Variants in SNX25 observed in about 807,000 individuals in gnomAD.
The protein encoded by SNX25 is sorting nexin 25.
A neutral mutation model predicts 113.7 loss-of-function variants in SNX25; 62 were observed. That is an observed-to-expected ratio of 0.55 (90% CI 0.44 to 0.67). The LOEUF (loss-of-function observed/expected upper bound fraction) is 0.67. SNX25 is among the 30% of genes least tolerant of loss of function. The pLI, the probability that SNX25 is intolerant of heterozygous loss-of-function variation, is 0.00. For synonymous variants in SNX25, 421 were observed against 436.2 expected (o/e 0.97, Z 0.43); for missense variants, 1,014 against 1,161.0 (o/e 0.87, Z 1.84).
rs549317716 is a variant in SNX25, at chr4:185,315,045, A to G, written c.1344+4229A>G. On this transcript the variant is annotated intron_variant, in intron 7 of 18. Transcript: ENST00000652585. ...AGATCGAGACCATCCTGGCTAACAC[A>G]GTGAAACCCCGTCTCTACTAAAAAT... 6.1e-3 allele frequency among the ~76,000 whole-genome samples: 925 copies of G among 150,556 alleles called. 15 individuals carry two copies. The highest frequency in any genetic ancestry group is 0.053 in the South Asian group (250 of 4,740).
intron 1 of SNX25, among the ~76,000 whole-genome samples, chr4:185,223,138 C>T (rs1740258472): frequency 6.6e-6 from 1 of 152,144 alleles, no homozygotes; most frequent in South Asian, 2.1e-4. Context: ...TGTATCTCCA[C>T]CCCAATATCA....
chr4:185,331,343 C>T (rs770149072), intron 9 of SNX25, among the ~76,000 whole-genome samples: 3 of 152,122 alleles, frequency 2.0e-5, no homozygotes, highest in East Asian at 1.9e-4. Context: ...ACAATGCTGA[C>T]GTAAAAATGA....
chr4:185,290,506 C>T (rs760932704), intron 6 of SNX25, among the ~76,000 whole-genome samples: 1 of 152,194 alleles, frequency 6.6e-6, no homozygotes, highest in African/African-American at 2.4e-5. Context: ...ATTGTCACCT[C>T]CAGCCTCTAT....
chr4:185,337,916 G>A (rs887771727), intron 10 of SNX25, among the ~76,000 whole-genome samples: 5 of 152,086 alleles, frequency 3.3e-5, no homozygotes, highest in African/African-American at 7.2e-5. Flanking sequence ...TTTCTTTAAT[G>A]ATTAGTGGTG....
intron 9 of SNX25, among the ~76,000 whole-genome samples, chr4:185,331,623 A>T (rs993761210): frequency 6.6e-6 from 1 of 152,120 alleles, no homozygotes; most frequent in Non-Finnish European, 1.5e-5. Flanking sequence ...TCTACTAAAA[A>T]TACAAAAATT....
intron 1 of SNX25, among the ~76,000 whole-genome samples, chr4:185,243,773 T>C (rs1029259571): frequency 9.2e-5 from 14 of 152,230 alleles, no homozygotes; most frequent in Admixed American, 7.2e-4. Context: ...CATGTAAGTA[T>C]GAAGTAGTGA....
chr4:185,240,862 C>G (rs1372763339), intron 1 of SNX25, among the ~76,000 whole-genome samples: 1 of 151,292 alleles, frequency 6.6e-6, no homozygotes, highest in Non-Finnish European at 1.5e-5. Flanking sequence ...GGCAGAGACG[C>G]TCCTCACATC....
chr4:185,260,365 G>A (rs982875907), intron 3 of SNX25, among the ~76,000 whole-genome samples: 11 of 152,058 alleles, frequency 7.2e-5, no homozygotes, highest in Non-Finnish European at 1.5e-4. Context: ...ATCTAGTGGC[G>A]AGCTGGAGCT....
intron 5 of SNX25, among the ~76,000 whole-genome samples, chr4:185,276,291 A>G (rs1056772770): frequency 6.6e-6 from 1 of 152,192 alleles, no homozygotes. Flanking sequence ...CCACCACTGT[A>G]GTTGTTGTTA....
chr4:185,346,695 T>G, intron 13 of SNX25, 45 bp downstream of exon 13: 1 of 1,287,146 alleles, frequency 7.8e-7, no homozygotes, highest in Non-Finnish European at 1.1e-6. Context: ...AAATTAGTTA[T>G]TTAGGGTTAA....
intron 1 of SNX25, among the ~76,000 whole-genome samples, chr4:185,226,797 A>G (rs1741065354): frequency 6.6e-6 from 1 of 152,254 alleles, no homozygotes. Context: ...TTATTAAATT[A>G]ACATTGTAAG....
intron 4 of SNX25, 145 bp from the exon 5 acceptor site, chr4:185,266,824 G>T (rs1412424794): frequency 4.4e-6 from 3 of 677,816 alleles, no homozygotes; most frequent in East Asian, 2.9e-5. Context: ...GTACATTTTT[G>T]AATTGTTTAT....
intron 11 of SNX25, among the ~76,000 whole-genome samples, chr4:185,341,004 A>T (rs975625092): frequency 6.6e-6 from 1 of 152,196 alleles, no homozygotes; most frequent in African/African-American, 2.4e-5. Flanking sequence ...CTACTTCCCT[A>T]TCCTTACAGT....
chr4:185,263,535 G>A (rs920489253), intron 3 of SNX25, among the ~76,000 whole-genome samples: 11 of 152,072 alleles, frequency 7.2e-5, no homozygotes, highest in African/African-American at 2.2e-4. Flanking sequence ...CTTTTCTAGC[G>A]TTATACACTC....
chr4:185,368,741 G>C (rs936496339), downstream of SNX25, among the ~76,000 whole-genome samples: 2 of 152,000 alleles, frequency 1.3e-5, no homozygotes, highest in African/African-American at 4.8e-5. Flanking sequence ...GCAGAGTAAT[G>C]GGGCTATTTT....
rs1007861177 is a variant in SNX25, at chr4:185,359,331, G to A, written c.2651+1594G>A. 2.6e-5 allele frequency among the ~76,000 whole-genome samples: 4 copies of A among 151,260 alleles called. No individual in the cohort carries two copies. In the East Asian group the frequency reaches 7.7e-4, roughly 29 times the overall value. On this transcript the variant is annotated intron_variant, in intron 16 of 18. Coordinates refer to ENST00000652585, the MANE Select transcript of SNX25 (RefSeq NM_001378034.2). ...CATTCCAGCCTGAATGAAACAGCAA[G>A]ACCCTTTCTCAAAAAAAAAAAAAGT...
intron 5 of SNX25, among the ~76,000 whole-genome samples, chr4:185,279,595 A>T (rs928851221): frequency 7.2e-5 from 11 of 152,182 alleles, no homozygotes; most frequent in African/African-American, 2.7e-4. Flanking sequence ...CCTTGTACTT[A>T]TCCTCAGTAG....
chr4:185,335,359 A>AC (rs1561026293), intron 10 of SNX25, among the ~76,000 whole-genome samples: 13 of 144,782 alleles, frequency 9.0e-5, no homozygotes, highest in African/African-American at 2.9e-4. Context: ...CACACACACA[A>AC]CAAAAACAAA....
At chr4:185,269,539 T>G (rs2126556342) in intron 5 of SNX25, among the ~76,000 whole-genome samples, 1 of 152,334 alleles carries the variant, frequency 6.6e-6, no homozygotes, top group African/African-American at 2.4e-5. Context: ...GTGGACTATT[T>G]GGTAACCCCA....
Sources: gnomAD v4.1 joint callset for allele counts (sites outside exome capture counted in the v4.1 genomes callset) on GRCh38, gnomAD v4.1.1 for gene constraint, MANE v1.5 for transcripts, NCBI Gene and HGNC (gene_info 2026-07-23, HGNC 2026-07-21) for gene names.